PROS1: variants seen among roughly 807,000 people sequenced by gnomAD.
PROS1 encodes protein S, also known as vitamin K-dependent protein S.
A neutral mutation model predicts 75.9 loss-of-function variants in PROS1; 29 were observed. The ratio of observed to expected loss-of-function variants is 0.38; its 90% CI spans 0.28 to 0.52. PROS1 has a LOEUF of 0.52. Among genes scored for constraint, PROS1 ranks in the 20% least tolerant of loss-of-function variants. The pLI, the probability that PROS1 is intolerant of heterozygous loss-of-function variation, is 0.83. For synonymous variants in PROS1, 245 were observed against 280.6 expected, an observed-to-expected ratio of 0.87 and a Z score of 1.27; for missense variants, 680 against 810.3, an observed-to-expected ratio of 0.84 and a Z score of 1.95.
intron 10 of PROS1, among the ~76,000 whole-genome samples, chr3:93,890,006 G>C (rs1708408339): frequency 6.6e-6 from 1 of 152,138 alleles, no homozygotes; most frequent in Non-Finnish European, 1.5e-5. Context: ...AAGTAGGGAA[G>C]ATATTGCTAA....
intron 6 of PROS1, among the ~76,000 whole-genome samples, chr3:93,905,397 T>G (rs1368891536): frequency 6.6e-6 from 1 of 151,846 alleles, no homozygotes; most frequent in African/African-American, 2.4e-5. Flanking sequence ...CTCACTTGAG[T>G]TCAAGATCAG....
In PROS1 at chr3:93,973,825, T is replaced by G. The variant is rs1709931547; in HGVS notation, c.-76A>C. The G allele has an allele frequency of 8.7e-6, 11 of 1,263,908 alleles. No individual in the cohort carries two copies. Among genetic ancestry groups the G allele is most frequent in the Non-Finnish European group, 1.2e-5 (11 of 914,356 alleles). The allele number at this position is 1,263,908 out of a possible 1,614,324, so 78.3% of individuals were successfully genotyped here. A position where few individuals can be genotyped will look rare whatever the true frequency, so the allele number is the denominator to read the frequency against. On this transcript the variant is annotated 5_prime_UTR_variant, in exon 1 of 15. Transcript: ENST00000394236. ...ACCGGAGCGCTAGGCGCCGCGGAGC[T>G]GCGAGCCTGTGCGCCTCGGTCTGAG...
intron 4 of PROS1, among the ~76,000 whole-genome samples, chr3:93,906,542 C>G (rs1437872767): frequency 1.3e-5 from 2 of 152,324 alleles, no homozygotes; most frequent in East Asian, 3.9e-4. Context: ...GGCTTCTCCC[C>G]GCAGCAGGCA....
intron 3 of PROS1, among the ~76,000 whole-genome samples, chr3:93,923,307 T>G (rs1708970300): frequency 6.6e-6 from 1 of 152,188 alleles, no homozygotes; most frequent in Non-Finnish European, 1.5e-5. Flanking sequence ...TTTATCCAAA[T>G]GTACTCTGAT....
intron 1 of PROS1, among the ~76,000 whole-genome samples, chr3:93,940,345 C>A (rs1293213638): frequency 6.6e-6 from 1 of 152,122 alleles, no homozygotes; most frequent in African/African-American, 2.4e-5. Context: ...CTTTGGGTAA[C>A]TCTTACATTG....
At chr3:93,973,218 C>G (rs993413678) in intron 1 of PROS1, among the ~76,000 whole-genome samples, 2 of 152,138 alleles carry the variant, frequency 1.3e-5, no homozygotes, top group African/African-American at 4.8e-5. Flanking sequence ...ACAAGCAAAC[C>G]AAGCTCAAAG....
At chr3:93,879,054 G>A (rs1708237297) in intron 13 of PROS1, 109 bp downstream of exon 13, 1 of 1,131,576 alleles carries the variant, frequency 8.8e-7, no homozygotes, top group East Asian at 2.6e-5. Context: ...CTTTACATAA[G>A]TTACTTTATT....
chr3:93,880,538 G>T (rs1418769681), intron 12 of PROS1, among the ~76,000 whole-genome samples: 1 of 152,090 alleles, frequency 6.6e-6, no homozygotes, highest in African/African-American at 2.4e-5. Flanking sequence ...TGTAATCATT[G>T]TGAAATAAGT....
At chr3:93,952,139 T>G (rs1299655268) in intron 1 of PROS1, among the ~76,000 whole-genome samples, 1 of 152,148 alleles carries the variant, frequency 6.6e-6, no homozygotes, top group Non-Finnish European at 1.5e-5. Context: ...AATGGGAGAC[T>G]TTAACACCCC....
intron 1 of PROS1, 93 bp from the exon 2 acceptor site, chr3:93,927,500 C>A: frequency 7.4e-7 from 1 of 1,355,602 alleles, no homozygotes. Context: ...CATTTTCTGC[C>A]TATGAATTGT....
intron 1 of PROS1, among the ~76,000 whole-genome samples, chr3:93,947,256 A>G (rs1709418070): frequency 1.3e-5 from 2 of 152,226 alleles, no homozygotes; most frequent in South Asian, 4.1e-4. Context: ...TGTGGAAGAC[A>G]GTGTGGCAAT....
intron 9 of PROS1, among the ~76,000 whole-genome samples, chr3:93,894,967 G>T (rs1274601101): frequency 6.6e-6 from 1 of 152,094 alleles, no homozygotes; most frequent in Non-Finnish European, 1.5e-5. Flanking sequence ...AGTGAGAAAT[G>T]AACAAACTCC....
At chr3:93,918,101 G>A (rs187315795) in intron 3 of PROS1, among the ~76,000 whole-genome samples, 3 of 152,130 alleles carry the variant, frequency 2.0e-5, no homozygotes, top group East Asian at 3.9e-4. Context: ...GATTGTAAAC[G>A]CACCAATCCG....
intron 3 of PROS1, among the ~76,000 whole-genome samples, chr3:93,912,212 G>A (rs1353594610): frequency 6.6e-6 from 1 of 152,104 alleles, no homozygotes; most frequent in South Asian, 2.1e-4. Context: ...TGGGCTCATG[G>A]CCTCATCCTT....
Position 93,906,036 on chromosome 3 carries a change from C to T in PROS1, c.454G>A (p.Glu152Lys). The T allele has an allele frequency of 6.2e-7, 1 of 1,614,132 alleles. No individual in the cohort carries two copies. The highest frequency in any genetic ancestry group is 8.5e-7 in the Non-Finnish European group (1 of 1,180,012). ...TTATACGTACCAAATTCACACTTTT[C>T]TCCTTGCCAACCTGGTTTACAAGTG... ...TCTCKPGWQG[E>K]KCEFDINECK... Residue 152 changes from glutamate (E) to lysine (K), a missense_variant, in exon 5 of 15, where the codon GAA (glutamate) becomes AAA (lysine). Glu to Lys is a moderately conservative substitution (Grantham distance 56). Transcript: ENST00000394236.
At chr3:93,930,960 C>T (rs1241357765) in intron 1 of PROS1, among the ~76,000 whole-genome samples, 3 of 152,156 alleles carry the variant, frequency 2.0e-5, no homozygotes, top group Non-Finnish European at 2.9e-5. Context: ...AACTGTTATG[C>T]TTCTGTCCTA....
At chr3:93,915,314 A>C (rs147904597) in intron 3 of PROS1, among the ~76,000 whole-genome samples, 51 of 152,164 alleles carry the variant, frequency 3.4e-4, no homozygotes, top group African/African-American at 1.0e-3. Context: ...AAAAATACAA[A>C]AATTATCCAG....
intron 1 of PROS1, among the ~76,000 whole-genome samples, chr3:93,960,532 CTTTTTT>C (rs774875701): frequency 2.8e-4 from 14 of 50,146 alleles, no homozygotes; most frequent in African/African-American, 1.1e-3. Flanking sequence ...CTCCATTGCT[CTTTTTT>C]TTTTTTTTTT....
intron 7 of PROS1, among the ~76,000 whole-genome samples, chr3:93,899,778 C>G (rs555989461): frequency 1.2e-4 from 18 of 152,180 alleles, no homozygotes; most frequent in African/African-American, 2.9e-4. Context: ...ATCAAGGTAA[C>G]TAATAAAAGA....
Sources: gnomAD v4.1 joint callset for allele counts (sites outside exome capture counted in the v4.1 genomes callset) on GRCh38, gnomAD v4.1.1 for gene constraint, MANE v1.5 for transcripts, NCBI Gene and HGNC (gene_info 2026-07-23, HGNC 2026-07-21) for gene names.